The following KCNIP1 variants were observed in gnomAD, a reference collection of about 807,000 sequenced individuals.
KCNIP1 encodes A-type potassium channel modulatory protein KCNIP1.
In KCNIP1, 18 loss-of-function variants were observed where a neutral mutation model predicts 33.0. The observed-to-expected ratio is 0.55, with a 90% CI of 0.38 to 0.81. The LOEUF (loss-of-function observed/expected upper bound fraction) is 0.81. Ranked by LOEUF, KCNIP1 falls within the 30% of genes least tolerant of loss-of-function variation. The pLI is 0.00. For missense variants in KCNIP1, 238 were observed against 271.6 expected (o/e 0.88, Z 0.87); for synonymous variants, 93 against 98.3 (o/e 0.95, Z 0.32).
intron 1 of KCNIP1, among the ~76,000 whole-genome samples, chr5:170,477,077 C>G (rs1330944619): frequency 6.6e-6 from 1 of 152,142 alleles, no homozygotes; most frequent in Non-Finnish European, 1.5e-5. Flanking sequence ...TGGGAATTCT[C>G]TGTACTTTCT....
intron 1 of KCNIP1, among the ~76,000 whole-genome samples, chr5:170,357,081 A>G (rs1226749275): frequency 6.6e-6 from 1 of 150,880 alleles, no homozygotes; most frequent in African/African-American, 2.4e-5. Context: ...CTCTATTTTT[A>G]TTTGTTTTAT....
intron 1 of KCNIP1, among the ~76,000 whole-genome samples, chr5:170,397,952 T>C (rs79250496): frequency 0.12 from 18,056 of 152,268 alleles, 1,215 homozygotes; most frequent in South Asian, 0.16. Context: ...GAAAGAGTTA[T>C]AATCTATAGA....
chr5:170,401,460 A>AT (rs1314212674), intron 1 of KCNIP1, among the ~76,000 whole-genome samples: 4 of 152,002 alleles, frequency 2.6e-5, no homozygotes, highest in African/African-American at 7.3e-5. Flanking sequence ...AAAAGGACTG[A>AT]TTTTTTAAAA....
chr5:170,510,485 C>T (rs1754892352), intron 1 of KCNIP1, among the ~76,000 whole-genome samples: 1 of 152,132 alleles, frequency 6.6e-6, no homozygotes, highest in Admixed American at 6.5e-5. Context: ...CAAAATTCTG[C>T]ATAATGGCCG....
chr5:170,471,224 C>T (rs552046083), intron 1 of KCNIP1, among the ~76,000 whole-genome samples: 1 of 152,278 alleles, frequency 6.6e-6, no homozygotes, highest in East Asian at 1.9e-4. Flanking sequence ...CTTGAACTAT[C>T]GGTTGGGTGC....
At chr5:170,437,468 C>A (rs1465753402) in intron 1 of KCNIP1, among the ~76,000 whole-genome samples, 1 of 152,230 alleles carries the variant, frequency 6.6e-6, no homozygotes, top group Non-Finnish European at 1.5e-5. Flanking sequence ...AACAAACCTT[C>A]AAATCTCTGC....
intron 1 of KCNIP1, chr5:170,422,173 A>C (rs1581177478): frequency 6.6e-6 from 1 of 152,330 alleles, no homozygotes; most frequent in East Asian, 1.9e-4. Context: ...GACAAACAGC[A>C]AGAAAACAGC....
Position 170,721,825 on chromosome 5 carries a change from C to T in KCNIP1, c.257-8C>T. The T allele has an allele frequency of 6.2e-7, 1 of 1,614,172 alleles. No homozygotes were observed. ...CCCCATCACCTGCCCTCCTTTTCTGCCTTGTAGATGCCAGCACGTATGCCC... is the reference window on the plus strand; with the variant it reads ...CCCCATCACCTGCCCTCCTTTTCTGTCTTGTAGATGCCAGCACGTATGCCC... On this transcript the variant is annotated splice_polypyrimidine_tract_variant and splice_region_variant and intron_variant, in intron 3 of 7. Transcript: ENST00000328939.
intron 1 of KCNIP1, among the ~76,000 whole-genome samples, chr5:170,648,430 G>C (rs1175181115): frequency 6.6e-6 from 1 of 152,220 alleles, no homozygotes; most frequent in Non-Finnish European, 1.5e-5. Flanking sequence ...CATCCTGGCA[G>C]TAGAATATTA....
intron 1 of KCNIP1, among the ~76,000 whole-genome samples, chr5:170,404,262 T>G (rs143274531): frequency 6.6e-6 from 1 of 152,342 alleles, no homozygotes; most frequent in African/African-American, 2.4e-5. Flanking sequence ...TCATCTATAA[T>G]TCTACCATTT....
intron 1 of KCNIP1, among the ~76,000 whole-genome samples, chr5:170,621,146 A>G (rs1759586099): frequency 6.6e-6 from 1 of 152,144 alleles, no homozygotes; most frequent in African/African-American, 2.4e-5. Flanking sequence ...CTGAGCCTCG[A>G]TTTTCCCATC....
rs78006743 is a variant in KCNIP1 at position 170,663,321 on chromosome 5, C to T, written c.62-55437C>T. Among the ~76,000 whole-genome samples, 922 of 152,252 alleles carry T rather than the reference C, an allele frequency of 6.1e-3. 7 individuals are homozygous for T. Among genetic ancestry groups the T allele is most frequent in the African/African-American group, 0.021 (874 of 41,534 alleles). ...CTTGCTTATTCCAACTTGGACTTGC[C>T]GGAGTCCCATAGACAGAGGCTACTC... is the stretch of plus-strand genomic sequence containing the variant. On this transcript the variant is annotated intron_variant, in intron 1 of 7. Transcript: ENST00000328939.
intron 1 of KCNIP1, among the ~76,000 whole-genome samples, chr5:170,380,509 G>A (rs1249201290): frequency 6.6e-6 from 1 of 152,222 alleles, no homozygotes; most frequent in African/African-American, 2.4e-5. Flanking sequence ...CTGCCCTGAG[G>A]GCATTCACTC....
intron 6 of KCNIP1, among the ~76,000 whole-genome samples, 198 bp from the exon 7 acceptor site, chr5:170,733,638 C>T (rs1282798410): frequency 6.6e-6 from 1 of 152,112 alleles, no homozygotes; most frequent in South Asian, 2.1e-4. Context: ...TCATGGGGCT[C>T]AAAGTGTTGT....
At chr5:170,552,726 C>T (rs1756694807) in intron 1 of KCNIP1, among the ~76,000 whole-genome samples, 1 of 152,178 alleles carries the variant, frequency 6.6e-6, no homozygotes, top group Admixed American at 6.5e-5. Flanking sequence ...GGATTCTATC[C>T]TGAGTGCAAC....
chr5:170,556,914 TA>T (rs1465849167), intron 1 of KCNIP1, among the ~76,000 whole-genome samples: 1 of 152,206 alleles, frequency 6.6e-6, no homozygotes, highest in Admixed American at 6.5e-5. Context: ...TGTGGCCTGT[TA>T]AAACTTTCCT....
intron 1 of KCNIP1, among the ~76,000 whole-genome samples, chr5:170,647,164 G>T (rs549094170): frequency 1.3e-5 from 2 of 152,284 alleles, no homozygotes; most frequent in East Asian, 3.9e-4. Context: ...CCTTGGTATT[G>T]TCAGGTTATC....
intron 1 of KCNIP1, among the ~76,000 whole-genome samples, chr5:170,716,408 C>G (rs1220760727): frequency 6.6e-6 from 1 of 152,090 alleles, no homozygotes; most frequent in African/African-American, 2.4e-5. Context: ...AAAGAAGAAA[C>G]AAAGAGAGGG....
At chr5:170,424,726 G>A (rs1755574148) in intron 1 of KCNIP1, among the ~76,000 whole-genome samples, 1 of 152,104 alleles carries the variant, frequency 6.6e-6, no homozygotes, top group Non-Finnish European at 1.5e-5. Context: ...AGTAGCCTGA[G>A]CGATCTTTTA....
Sources: gnomAD v4.1 joint callset for allele counts (sites outside exome capture counted in the v4.1 genomes callset) on GRCh38, gnomAD v4.1.1 for gene constraint, MANE v1.5 for transcripts, NCBI Gene and HGNC (gene_info 2026-07-23, HGNC 2026-07-21) for gene names.